SMIM7: variants seen among roughly 807,000 people sequenced by gnomAD.
The protein encoded by SMIM7 is UPF0608 protein C19orf42.
In SMIM7, 12 loss-of-function variants were observed where a neutral mutation model predicts 13.3. That is an observed-to-expected ratio of 0.90 (90% CI 0.58 to 1.46). The LOEUF (loss-of-function observed/expected upper bound fraction) is 1.46. Among genes scored for constraint, SMIM7 ranks in the 40% most tolerant of loss-of-function variants. The pLI is 0.00. For synonymous variants in SMIM7, 36 were observed against 35.8 expected, an observed-to-expected ratio of 1.01 and a Z score of -0.02; for missense variants, 114 against 94.8, an observed-to-expected ratio of 1.20 and a Z score of -0.84.
chr19:16,647,223 G>A lies in SMIM7; in HGVS notation c.*23C>T, dbSNP rs2086460208. ...GAGACTCGGCATCCCGGGAAAGTGA[G>A]TTCCTGGTTTCATCGCTGGGATTCA... On this transcript the variant is annotated 3_prime_UTR_variant, in exon 5 of 5. Transcript: ENST00000487416. The A allele has an allele frequency of 6.2e-7, 1 of 1,614,032 alleles. No homozygotes were observed. The highest frequency in any genetic ancestry group is 2.2e-5 in the East Asian group (1 of 44,884).
chr19:16,634,136 A>G (rs2086341315), intron 4 of SMIM7: 1 of 152,206 alleles, frequency 6.6e-6, no homozygotes, highest in African/African-American at 2.4e-5. Flanking sequence ...AGATTCAGAT[A>G]TAGGTCCCAA....
At chr19:16,644,816 A>G (rs1468949509), downstream of SMIM7, 1 of 152,224 alleles carries the variant, frequency 6.6e-6, no homozygotes, top group Non-Finnish European at 1.5e-5. Context: ...CAGAAAACAC[A>G]CACGGTGATG....
intron 4 of SMIM7, chr19:16,640,463 G>C (rs2086396674): frequency 6.6e-6 from 1 of 152,210 alleles, no homozygotes; most frequent in South Asian, 2.1e-4. Context: ...ATTTGGTAAA[G>C]GATATAATGA....
At chr19:16,633,886 T>C (rs796213563) in intron 4 of SMIM7, 5 of 152,266 alleles carry the variant, frequency 3.3e-5, no homozygotes, top group African/African-American at 1.2e-4. Context: ...ACCAAAATAT[T>C]GACAGCAGTT....
At chr19:16,639,270 C>T (rs752470589) in intron 4 of SMIM7, among the ~76,000 whole-genome samples, 16 of 152,028 alleles carry the variant, frequency 1.1e-4, no homozygotes, top group East Asian at 9.7e-4. Flanking sequence ...TTATAGGCGC[C>T]CACCACCTCG....
intron 4 of SMIM7, chr19:16,652,721 C>G: frequency 6.9e-7 from 1 of 1,441,854 alleles, no homozygotes; most frequent in Middle Eastern, 2.5e-4. Flanking sequence ...TGGGGTGGCA[C>G]GCAGACTGGA....
chr19:16,659,534 T>C, intron 2 of SMIM7, 87 bp from the exon 3 acceptor site: 9 of 1,377,240 alleles, frequency 6.5e-6, no homozygotes, highest in Non-Finnish European at 9.1e-6. Flanking sequence ...CCACAAACAC[T>C]AAGTTTCAGC....
intron 4 of SMIM7, among the ~76,000 whole-genome samples, chr19:16,639,160 C>A (rs974751500): frequency 7.1e-6 from 1 of 141,518 alleles, no homozygotes; most frequent in Non-Finnish European, 1.5e-5. Context: ...CTTGCTCTGT[C>A]GCCCAGGCTG....
chr19:16,647,068 A>G lies in SMIM7; in HGVS notation c.*178T>C, dbSNP rs749294767. ...CCAAAGTGAAACTATCTTTGAAAAC[A>G]GGGACGTGGCTGGGAAACCATGCAC... On this transcript the variant is annotated 3_prime_UTR_variant, in exon 5 of 5. Coordinates refer to ENST00000487416, the MANE Select transcript of SMIM7 (RefSeq NM_024104.4). The G allele has an allele frequency of 4.9e-5, 35 of 714,016 alleles. No individual in the cohort carries two copies. The highest frequency in any genetic ancestry group is 2.3e-4 in the South Asian group (13 of 55,376). The allele number at this position is 714,016 out of a possible 1,614,324, so 44.2% of individuals were successfully genotyped here. A position where few individuals can be genotyped will look rare whatever the true frequency, so the allele number is the denominator to read the frequency against.
intron 3 of SMIM7, among the ~76,000 whole-genome samples, chr19:16,654,475 G>A (rs1288605923): frequency 6.6e-6 from 1 of 152,204 alleles, no homozygotes; most frequent in African/African-American, 2.4e-5. Context: ...AGCTCAGTAA[G>A]CTCAGTGCCC....
chr19:16,643,649 A>G (rs1458945779), downstream of SMIM7, among the ~76,000 whole-genome samples: 1 of 152,074 alleles, frequency 6.6e-6, no homozygotes, highest in Non-Finnish European at 1.5e-5. Flanking sequence ...TACCCACCTC[A>G]GCCTCCTAAA....
chr19:16,649,288 CCT>C (rs1271937806), intron 4 of SMIM7, among the ~76,000 whole-genome samples: 1 of 151,924 alleles, frequency 6.6e-6, no homozygotes, highest in African/African-American at 2.4e-5. Context: ...GTGGTAAAAC[CCT>C]GTTTCAGCCA....
downstream of SMIM7, among the ~76,000 whole-genome samples, chr19:16,644,365 G>A (rs1184278938): frequency 6.6e-6 from 1 of 151,406 alleles, no homozygotes; most frequent in African/African-American, 2.4e-5. Flanking sequence ...CAGGTGACCT[G>A]CCCACTTTGG....
intron 2 of SMIM7, 153 bp downstream of exon 2, chr19:16,659,806 A>T (rs1006728760): frequency 6.2e-5 from 60 of 975,520 alleles, no homozygotes; most frequent in Middle Eastern, 3.2e-4. Flanking sequence ...GGGGGCGAGG[A>T]AGATAAACCA....
At chr19:16,646,045 C>T (rs1336481223), downstream of SMIM7, 1 of 151,638 alleles carries the variant, frequency 6.6e-6, no homozygotes, top group African/African-American at 2.4e-5. Flanking sequence ...TTCTCATGGC[C>T]TCCAAAATGA....
At chr19:16,659,583 T>C in intron 2 of SMIM7, 136 bp from the exon 3 acceptor site, 1 of 829,906 alleles carries the variant, frequency 1.2e-6, no homozygotes. Flanking sequence ...ACCTCTGACG[T>C]TCAATACCCT....
At chr19:16,635,899 A>AAAATATAT (rs1200181092) in intron 4 of SMIM7, among the ~76,000 whole-genome samples, 64 of 109,562 alleles carry the variant, frequency 5.8e-4, no homozygotes, top group African/African-American at 1.4e-3. Flanking sequence ...AAAAAAAAAA[A>AAAATATAT]ATATATATAT....
At chr19:16,654,301 A>G (rs2086568039) in intron 3 of SMIM7, among the ~76,000 whole-genome samples, 176 bp from the exon 4 acceptor site, 1 of 152,016 alleles carries the variant, frequency 6.6e-6, no homozygotes, top group South Asian at 2.1e-4. Flanking sequence ...GGCTGTGTCT[A>G]CCACTGACCA....
chr19:16,659,303 AAG>A (rs747599688), intron 3 of SMIM7, 90 bp downstream of exon 3: 1 of 1,071,118 alleles, frequency 9.3e-7, no homozygotes, highest in Non-Finnish European at 1.4e-6. Context: ...AAAAAAAAAA[AAG>A]AGAAAGAAAG....
Sources: allele counts gnomAD v4.1 joint callset (sites outside exome capture counted in the v4.1 genomes callset), GRCh38; gene constraint gnomAD v4.1.1; transcripts MANE v1.5; gene names NCBI Gene and HGNC (gene_info 2026-07-23, HGNC 2026-07-21).